LUZP2: variants seen among roughly 807,000 people sequenced by gnomAD.
The protein encoded by LUZP2 is leucine zipper protein 2.
In LUZP2, 52 loss-of-function variants were observed where a neutral mutation model predicts 51.6. The observed-to-expected ratio is 1.01, with a 90% confidence interval of 0.81 to 1.27. The LOEUF is 1.27. Ranked by LOEUF, LUZP2 falls within the 50% of genes most tolerant of loss-of-function variation. The pLI, the probability that LUZP2 is intolerant of heterozygous loss-of-function variation, is 0.00. For synonymous variants in LUZP2, 154 were observed against 137.3 expected (o/e 1.12, Z -0.85); for missense variants, 436 against 395.4 (o/e 1.10, Z -0.87).
intron 7 of LUZP2, among the ~76,000 whole-genome samples, chr11:24,942,992 G>A (rs1466434813): frequency 6.6e-6 from 1 of 152,142 alleles, no homozygotes; most frequent in African/African-American, 2.4e-5. Context: ...ATTGAGCTGA[G>A]AAGACCAACT....
intron 10 of LUZP2, among the ~76,000 whole-genome samples, chr11:25,070,220 C>T (rs1375329113): frequency 2.6e-5 from 4 of 151,854 alleles, no homozygotes; most frequent in African/African-American, 7.2e-5. Context: ...TTCACTTATC[C>T]TTTCACCTAA....
intron 5 of LUZP2, among the ~76,000 whole-genome samples, chr11:24,820,198 CT>C (rs1850316461): frequency 6.6e-6 from 1 of 152,120 alleles, no homozygotes; most frequent in South Asian, 2.1e-4. Flanking sequence ...AATCTGTGGA[CT>C]TTAGATAACA....
At chr11:25,047,453 ATACT>A (rs1858349639) in intron 9 of LUZP2, among the ~76,000 whole-genome samples, 1 of 150,894 alleles carries the variant, frequency 6.6e-6, no homozygotes, top group African/African-American at 2.4e-5. Context: ...GTATCCAATA[ATACT>A]TACCTATTAG....
rs34323542 is a variant in LUZP2 at position 24,890,894 on chromosome 11, C to CTTT, written c.397-15079_397-15077dup. ...GCCATTTACAGGAGGAGTAAAAGTTCTTTTTTTTTTTTTTTTTTTTGCAGG... is the reference window on the plus strand; with the variant it reads ...GCCATTTACAGGAGGAGTAAAAGTTCTTTTTTTTTTTTTTTTTTTTTTTGCAGG... On this transcript the variant is annotated intron_variant, in intron 5 of 11. Coordinates refer to ENST00000336930, the MANE Select transcript of LUZP2 (RefSeq NM_001009909.4). The CTTT allele has an allele frequency of 5.9e-3, 4,349 of 737,146 alleles. 124 individuals are homozygous for CTTT. The highest frequency in any genetic ancestry group is 0.047 in the African/African-American group (1,830 of 38,736). 45.7% of individuals were successfully genotyped at this position (737,146 alleles called of 1,614,324 possible). A position where few individuals can be genotyped will look rare whatever the true frequency, so the allele number is the denominator to read the frequency against.
intron 5 of LUZP2, among the ~76,000 whole-genome samples, chr11:24,811,290 A>G (rs991564218): frequency 2.0e-5 from 3 of 152,188 alleles, no homozygotes; most frequent in Middle Eastern, 3.4e-3. Flanking sequence ...TACATTCCAT[A>G]TTCCATATCA....
chr11:25,049,521 A>T (rs1858425686), intron 9 of LUZP2, among the ~76,000 whole-genome samples: 1 of 152,028 alleles, frequency 6.6e-6, no homozygotes, highest in African/African-American at 2.4e-5. Context: ...CTAGAATAAT[A>T]TTTAGGGTTT....
At chr11:24,806,078 T>C (rs1014748572) in intron 5 of LUZP2, among the ~76,000 whole-genome samples, 1 of 152,186 alleles carries the variant, frequency 6.6e-6, no homozygotes, top group Non-Finnish European at 1.5e-5. Flanking sequence ...ATATTACTTG[T>C]AAAAGTACAT....
intron 5 of LUZP2, among the ~76,000 whole-genome samples, chr11:24,810,129 C>G (rs1163227370): frequency 6.6e-6 from 1 of 151,972 alleles, no homozygotes; most frequent in Admixed American, 6.6e-5. Flanking sequence ...TTACTGGTAT[C>G]CATTTAGTTT....
At chr11:24,649,625 T>C (rs898162462) in intron 1 of LUZP2, among the ~76,000 whole-genome samples, 8 of 151,944 alleles carry the variant, frequency 5.3e-5, no homozygotes, top group Admixed American at 4.6e-4. Flanking sequence ...TTAGGTAATT[T>C]CCATCAATTC....
At chr11:24,842,916 G>GA (rs1851082037) in intron 5 of LUZP2, among the ~76,000 whole-genome samples, 2 of 151,356 alleles carry the variant, frequency 1.3e-5, no homozygotes, top group East Asian at 1.9e-4. Flanking sequence ...AAGTAATAGA[G>GA]AAAAAAATAA....
chr11:24,517,701 G>A (rs998763598), intron 1 of LUZP2, among the ~76,000 whole-genome samples: 12 of 151,920 alleles, frequency 7.9e-5, no homozygotes, highest in Non-Finnish European at 1.6e-4. Context: ...ATCCATTTTA[G>A]AAGGTTGAAT....
intron 9 of LUZP2, among the ~76,000 whole-genome samples, chr11:25,045,060 G>A (rs1164119082): frequency 4.8e-5 from 1 of 20,742 alleles, no homozygotes; most frequent in Non-Finnish European, 2.1e-4. Flanking sequence ...GGACTGTTGT[G>A]CGGTGGGGGG....
intron 1 of LUZP2, among the ~76,000 whole-genome samples, chr11:24,598,990 A>C (rs990497011): frequency 6.6e-6 from 1 of 152,292 alleles, no homozygotes; most frequent in South Asian, 2.1e-4. Flanking sequence ...TAAACCATTC[A>C]GTACATGTGG....
intron 7 of LUZP2, among the ~76,000 whole-genome samples, chr11:24,928,403 T>C (rs1854342467): frequency 6.6e-6 from 1 of 152,078 alleles, no homozygotes; most frequent in South Asian, 2.1e-4. Flanking sequence ...GTATGTTCCT[T>C]CTATGCTGAT....
At chr11:24,888,819 CAGG>C (rs1349410919) in intron 5 of LUZP2, among the ~76,000 whole-genome samples, 1 of 152,042 alleles carries the variant, frequency 6.6e-6, no homozygotes, top group Non-Finnish European at 1.5e-5. Flanking sequence ...GGTAAGTTCT[CAGG>C]AGATCTGATG....
At chr11:24,965,368 C>G (rs1399540860) in intron 7 of LUZP2, among the ~76,000 whole-genome samples, 1 of 150,952 alleles carries the variant, frequency 6.6e-6, no homozygotes, top group South Asian at 2.1e-4. Context: ...AGAAAACTCT[C>G]TCTGCCAAGG....
intron 5 of LUZP2, among the ~76,000 whole-genome samples, chr11:24,822,912 T>C (rs968538002): frequency 6.6e-6 from 1 of 152,242 alleles, no homozygotes; most frequent in African/African-American, 2.4e-5. Context: ...TCATTTTTTC[T>C]ATAAGTGAAG....
intron 1 of LUZP2, among the ~76,000 whole-genome samples, chr11:24,666,758 C>T (rs1181758118): frequency 2.0e-5 from 3 of 152,158 alleles, no homozygotes; most frequent in African/African-American, 4.8e-5. Context: ...TTTTTATCTT[C>T]GATGTTTGGA....
chr11:24,554,014 C>G (rs955049794), intron 1 of LUZP2, among the ~76,000 whole-genome samples: 6 of 152,162 alleles, frequency 3.9e-5, no homozygotes, highest in Admixed American at 1.3e-4. Flanking sequence ...TTCCTCCTGG[C>G]ACATTTTCTC....
Sources: gnomAD v4.1 joint callset for allele counts (sites outside exome capture counted in the v4.1 genomes callset) on GRCh38, gnomAD v4.1.1 for gene constraint, MANE v1.5 for transcripts, NCBI Gene and HGNC (gene_info 2026-07-23, HGNC 2026-07-21) for gene names.